HECTD4: variants seen among roughly 807,000 people sequenced by gnomAD.
HECTD4 encodes the protein probable E3 ubiquitin-protein ligase HECTD4.
HECTD4 carries 114 observed loss-of-function variants against 471.5 expected under a neutral mutation model. The observed-to-expected ratio is 0.24, with a 90% CI of 0.21 to 0.28. HECTD4 has a LOEUF of 0.28. HECTD4 is among the 10% of genes least tolerant of loss of function. The pLI, the probability that HECTD4 is intolerant of heterozygous loss-of-function variation, is 1.00. For synonymous variants in HECTD4, 2,012 were observed against 2,256.0 expected (o/e 0.89, Z 3.07); for missense variants, 3,866 against 5,651.5 (o/e 0.68, Z 10.13).
chr12:112,228,506 T>C lies in HECTD4; in HGVS notation c.6684+141A>G. Reference sequence around the variant, plus strand: ...CATAAGCATTACTATTAAATAACTATAACCAATACATAAATATACATCACA... The same window carrying C: ...CATAAGCATTACTATTAAATAACTACAACCAATACATAAATATACATCACA... On this transcript the variant is annotated intron_variant, in intron 42 of 75. Coordinates refer to ENST00000682272, the MANE Select transcript of HECTD4 (RefSeq NM_001388303.1). This position sits in a 1 kb window ranked among gnomAD's most constrained non-coding sequence, Gnocchi z 4.9. The C allele has an allele frequency of 1.1e-6, 1 of 892,678 alleles. No individual in the cohort carries two copies. The highest frequency in any genetic ancestry group is 1.6e-6 in the Non-Finnish European group (1 of 611,528). The allele number at this position is 892,678 out of a possible 1,614,324, so 55.3% of individuals were successfully genotyped here. A position where few individuals can be genotyped will look rare whatever the true frequency, so the allele number is the denominator to read the frequency against.
chr12:112,238,945 G>T, intron 34 of HECTD4, 107 bp downstream of exon 34: 3 of 1,086,058 alleles, frequency 2.8e-6, no homozygotes, highest in Non-Finnish European at 3.9e-6. Flanking sequence ...ATCTGATCAT[G>T]TCATTTAATA....
Position 112,270,256 on chromosome 12 carries a change from T to C in HECTD4, c.2146A>G (p.Ile716Val). ...EKAMVNGDTCIIRCILVVFQV... is the reference protein window; with the variant it reads ...EKAMVNGDTCVIRCILVVFQV... ...AAGACAACGAGAATGCAGCGTATAA[T>C]ACAGGTATCTCCATTAACCATGGCC... The change falls in exon 12 of 76, where the codon ATT (isoleucine) becomes GTT (valine). Residue 716 changes from isoleucine to valine, a missense_variant. Physicochemically the swap from Ile to Val is conservative, Grantham distance 29. This residue lies in a region of HECTD4 where 525 missense variants were observed against 672.6 expected (regional missense o/e 0.78). Coordinates refer to ENST00000682272, the MANE Select transcript of HECTD4 (RefSeq NM_001388303.1). 1 of 1,613,772 alleles carries C rather than the reference T, an allele frequency of 6.2e-7. No individual in the cohort carries two copies. The highest frequency in any genetic ancestry group is 8.5e-7 in the Non-Finnish European group (1 of 1,179,642).
At chr12:112,336,312 G>A (rs1337338725) in intron 1 of HECTD4, among the ~76,000 whole-genome samples, 2 of 151,892 alleles carry the variant, frequency 1.3e-5, no homozygotes, top group African/African-American at 4.8e-5. Context: ...TCATGAGGTC[G>A]GGAGATCAAG....
Position 112,314,531 on chromosome 12 carries a change from A to G in HECTD4, c.711T>C (p.Thr237=). Residue 237 remains threonine, a synonymous_variant, in exon 3 of 76, where the codon ACT becomes ACC. Coordinates refer to ENST00000682272, the MANE Select transcript of HECTD4 (RefSeq NM_001388303.1). ...GTAATAGATGGACTGTGTGGACGAA[A>G]GTTTTCAATGATCCCCTAAAAATAA... ...ALACARGSLK[T]FVHTVHLLQK... 2 of 1,519,548 alleles carry G rather than the reference A, an allele frequency of 1.3e-6. No homozygotes were observed. The highest frequency in any genetic ancestry group is 1.8e-6 in the Non-Finnish European group (2 of 1,131,852). The allele number at this position is 1,519,548 out of a possible 1,614,324, so 94.1% of individuals were successfully genotyped here.
chr12:112,367,306 A>AAAAGAAAG (rs3031822), intron 1 of HECTD4, among the ~76,000 whole-genome samples: 1,725 of 133,860 alleles, frequency 0.013, 18 homozygotes, highest in African/African-American at 0.021. Flanking sequence ...CTCAAAAAAA[A>AAAAGAAAG]AAAGAAAGAA....
At chr12:112,216,168 T>C in intron 48 of HECTD4, 124 bp downstream of exon 48, 1 of 674,880 alleles carries the variant, frequency 1.5e-6, no homozygotes, top group Non-Finnish European at 2.7e-6. Flanking sequence ...AGGACGTGTT[T>C]GGTTTTTGCT....
At chr12:112,171,594 AT>A (rs950448876) in intron 67 of HECTD4, among the ~76,000 whole-genome samples, 11 of 152,338 alleles carry the variant, frequency 7.2e-5, no homozygotes, top group South Asian at 6.2e-4. Context: ...GGTTGCAAAA[AT>A]GGCACAAAGA....
intron 4 of HECTD4, among the ~76,000 whole-genome samples, chr12:112,311,039 A>G (rs2035359348): frequency 6.6e-6 from 1 of 152,218 alleles, no homozygotes; most frequent in Non-Finnish European, 1.5e-5. Context: ...AGGCGGGCAG[A>G]TCACCTGAGG....
chr12:112,169,633 G>A lies in HECTD4; in HGVS notation c.12078C>T (p.Ser4026=), dbSNP rs2031131899. ...VGGEIRASEN[S]YFCQAARQLA... is the part of the protein sequence containing the mutation. The stretch of plus-strand genomic sequence containing the variant: ...GCTGCCTGGCAGCCTGACAGAAGTA[G>A]GAGTTTTCAGAAGCTCTGATTTCCC... Residue 4026 remains serine, a synonymous_variant, in exon 70 of 76, where the codon TCC becomes TCT. Coordinates refer to ENST00000682272, the MANE Select transcript of HECTD4 (RefSeq NM_001388303.1). 2 of 1,613,298 alleles carry A rather than the reference G, an allele frequency of 1.2e-6. No individual in the cohort carries two copies. The highest frequency in any genetic ancestry group is 8.5e-7 in the Non-Finnish European group (1 of 1,179,812).
chr12:112,376,513 T>C (rs1304171499), intron 1 of HECTD4, among the ~76,000 whole-genome samples: 1 of 152,190 alleles, frequency 6.6e-6, no homozygotes, highest in Non-Finnish European at 1.5e-5. Flanking sequence ...CCCAAAGTGC[T>C]GGGATTACAG....
Position 112,190,955 on chromosome 12 carries a change from T to G in HECTD4, c.9303A>C (p.Pro3101=). 6.4e-7 allele frequency: 1 copy of G among 1,558,558 alleles called. No homozygotes were observed. Among genetic ancestry groups the G allele is most frequent in the Non-Finnish European group, 8.7e-7 (1 of 1,151,574 alleles). ...DRVHIKLGVS[P]PPGAVLVLHS... The stretch of plus-strand genomic sequence containing the variant: ...GTAACACCAGGACTGCTCCAGGAGG[T>G]GGAGACACCCCTGCAAGAAGCACCC... The change falls in exon 60 of 76, where the codon CCA becomes CCC. Residue 3101 remains proline (P), a synonymous_variant. Coordinates refer to ENST00000682272, the MANE Select transcript of HECTD4 (RefSeq NM_001388303.1).
At chr12:112,266,771 C>T (rs766593539) in intron 14 of HECTD4, 141 bp downstream of exon 14, 49 of 628,356 alleles carry the variant, frequency 7.8e-5, no homozygotes, top group South Asian at 1.6e-4. Context: ...TGTGAGCCAC[C>T]GTGCCTGGCC....
At chr12:112,306,334 C>T in intron 6 of HECTD4, 100 bp from the exon 7 acceptor site, 1 of 978,338 alleles carries the variant, frequency 1.0e-6, no homozygotes, top group Non-Finnish European at 1.4e-6. Context: ...GATGAGAATT[C>T]ACTAGGCTTT....
intron 9 of HECTD4, among the ~76,000 whole-genome samples, chr12:112,278,202 G>A (rs576683555): frequency 6.6e-6 from 1 of 152,250 alleles, no homozygotes; most frequent in African/African-American, 2.4e-5. Flanking sequence ...CAGGGGTCAG[G>A]GAGTAGGAGA....
At position 112,270,366 on chromosome 12, in the gene HECTD4, G is replaced by A; in HGVS notation, c.2036C>T (p.Pro679Leu). Residue 679 changes from proline (P) to leucine (L), a missense_variant, in exon 12 of 76, where the codon CCC becomes CTC. By Grantham distance (98) the Pro-to-Leu change is moderately conservative. Around this residue, in one of 16 missense-constraint regions of HECTD4, gnomAD observed 525 missense variants for 672.6 expected, o/e 0.78. Coordinates refer to ENST00000682272, the MANE Select transcript of HECTD4 (RefSeq NM_001388303.1). ...IHQLNLLATNPNLPITSVLGK... is the reference protein window; with the variant it reads ...IHQLNLLATNLNLPITSVLGK... ...CAAGACACTTGTGATTGGAAGATTG[G>A]GGTTGGTGGCAAGAAGATTGAGTTG... 1 of 1,613,988 alleles carries A rather than the reference G, an allele frequency of 6.2e-7. No individual in the cohort carries two copies. The highest frequency in any genetic ancestry group is 2.2e-5 in the East Asian group (1 of 44,884).
At position 112,184,421 on chromosome 12, in the gene HECTD4, G is replaced by A. The variant is rs1028220871; in HGVS notation, c.10545C>T (p.Gly3515=). 4.4e-6 allele frequency: 7 copies of A among 1,606,176 alleles called. No homozygotes were observed. Among genetic ancestry groups the A allele is most frequent in the Non-Finnish European group, 5.9e-6 (7 of 1,177,260 alleles). ...SDLSVDPLPA[G]LELPIPPGLL... ...GGCCCGGAGGGATGGGCAGCTCGAG[G>A]CCGGCAGGCAGCGGATCCACAGAGA... is the stretch of plus-strand genomic sequence containing the variant. Residue 3515 remains glycine, a synonymous_variant, in exon 61 of 76, where the codon GGC becomes GGT. Coordinates refer to ENST00000682272, the MANE Select transcript of HECTD4 (RefSeq NM_001388303.1). The surrounding 1 kb of genome is among the most constrained non-coding windows in gnomAD (Gnocchi z 9.1).
chr12:112,180,825 G>A (rs1436205623), intron 62 of HECTD4, among the ~76,000 whole-genome samples: 1 of 152,114 alleles, frequency 6.6e-6, no homozygotes, highest in Admixed American at 6.6e-5. Context: ...GGACAAGGCT[G>A]GGACCAGGGT....
chr12:112,198,078 G>A (rs916655903), intron 55 of HECTD4, among the ~76,000 whole-genome samples: 17 of 152,100 alleles, frequency 1.1e-4, no homozygotes, highest in African/African-American at 4.1e-4. Flanking sequence ...CAAGTGAACC[G>A]CCCACCTCGG....
chr12:112,317,665 G>A (rs1318212030), intron 2 of HECTD4, among the ~76,000 whole-genome samples: 1 of 152,124 alleles, frequency 6.6e-6, no homozygotes, highest in Non-Finnish European at 1.5e-5. Flanking sequence ...ATGGGTAGAA[G>A]AATGTATAAA....
Sources: gnomAD v4.1 joint callset for allele counts (sites outside exome capture counted in the v4.1 genomes callset) on GRCh38, gnomAD v4.1.1 for gene constraint, gnomAD v4.1.1 regional missense constraint, Gnocchi (gnomAD v3.1) non-coding constraint, MANE v1.5 for transcripts, NCBI Gene and HGNC (gene_info 2026-07-23, HGNC 2026-07-21) for gene names.